NLGN4Y: variants seen among roughly 807,000 people sequenced by gnomAD.
The protein encoded by NLGN4Y is neuroligin 4 Y-linked.
A neutral mutation model predicts 8.4 loss-of-function variants in NLGN4Y; 4 were observed. The observed-to-expected ratio is 0.48, with a 90% CI of 0.23 to 1.09. The LOEUF (loss-of-function observed/expected upper bound fraction) is 1.09. NLGN4Y is among the 50% of genes least tolerant of loss of function. The pLI is 0.19. For missense variants in NLGN4Y, 90 were observed against 192.3 expected (o/e 0.47, Z 3.15); for synonymous variants, 35 against 75.6 (o/e 0.46, Z 2.78).
chrY:14,609,811 T>G (rs2080459994), intron 1 of NLGN4Y, among the ~76,000 whole-genome samples: 1 of 33,506 alleles, frequency 3.0e-5, no homozygotes, highest in Non-Finnish European at 7.4e-5. Flanking sequence ...TTTGTATTGT[T>G]GGTAGAATTC....
At chrY:14,728,492 A>C (rs758951999) in intron 4 of NLGN4Y, among the ~76,000 whole-genome samples, 2 of 34,170 alleles carry the variant, frequency 5.9e-5, no homozygotes, top group South Asian at 1.3e-3. Context: ...AAATTGATGT[A>C]TATGTATATA....
chrY:14,830,542 G>A, intron 6 of NLGN4Y, 23 bp downstream of exon 6: 3 of 392,082 alleles, frequency 7.7e-6, no homozygotes, highest in Non-Finnish European at 1.1e-5. Flanking sequence ...TCATGTTGGG[G>A]TATCACTGTC....
At chrY:14,792,851 A>AGTGTGTGTGTGTGTGTGT (rs1569375425) in intron 4 of NLGN4Y, among the ~76,000 whole-genome samples, 1 of 9,098 alleles carries the variant, frequency 1.1e-4, no homozygotes, top group Non-Finnish European at 2.1e-4. Flanking sequence ...AGAGAGAGAG[A>AGTGTGTGTGTGTGTGTGT]GTGTGTGTGT....
At chrY:14,775,495 C>T in intron 4 of NLGN4Y, among the ~76,000 whole-genome samples, 1 of 32,643 alleles carries the variant, frequency 3.1e-5, no homozygotes, top group South Asian at 6.7e-4. Flanking sequence ...CACACACACA[C>T]ACACCATACA....
chrY:14,815,616 C>T (rs2043098922), intron 4 of NLGN4Y, among the ~76,000 whole-genome samples: 1 of 33,077 alleles, frequency 3.0e-5, no homozygotes, highest in South Asian at 6.8e-4. Context: ...CATAAAGAGG[C>T]TTGAAAAGTT....
chrY:14,834,314 G>A, intron 6 of NLGN4Y, among the ~76,000 whole-genome samples: 1 of 33,416 alleles, frequency 3.0e-5, no homozygotes, highest in Non-Finnish European at 7.4e-5. Flanking sequence ...TGACATCACC[G>A]GAAGAGAGGA....
chrY:14,536,697 G>C, intron 1 of NLGN4Y, among the ~76,000 whole-genome samples: 1 of 32,206 alleles, frequency 3.1e-5, no homozygotes, highest in Non-Finnish European at 7.6e-5. Context: ...AGCACTTTGA[G>C]AGCAGCCTGG....
intron 2 of NLGN4Y, among the ~76,000 whole-genome samples, chrY:14,622,903 T>C (rs2080516360): frequency 3.0e-5 from 1 of 33,369 alleles, no homozygotes; most frequent in African/African-American, 1.2e-4. Context: ...ATGTTATACC[T>C]GAATCATCTG....
intron 4 of NLGN4Y, among the ~76,000 whole-genome samples, chrY:14,819,639 A>T (rs2043115566): frequency 3.1e-5 from 1 of 32,754 alleles, no homozygotes; most frequent in African/African-American, 1.2e-4. Flanking sequence ...CTTATTACTG[A>T]TAGGAAAGGG....
intron 4 of NLGN4Y, chrY:14,748,729 G>A (rs2081030833): frequency 5.5e-6 from 1 of 181,739 alleles, no homozygotes; most frequent in Non-Finnish European, 1.1e-5. Context: ...TGAAATTAGA[G>A]GTAGAGAGAA....
chrY:14,543,097 C>T, intron 1 of NLGN4Y, among the ~76,000 whole-genome samples: 2 of 33,059 alleles, frequency 6.0e-5, no homozygotes, highest in African/African-American at 1.2e-4. Context: ...CAAACCTGCA[C>T]GTTCTGCATA....
chrY:14,778,725 A>G (rs2081136128), intron 4 of NLGN4Y, among the ~76,000 whole-genome samples: 1 of 33,878 alleles, frequency 3.0e-5, no homozygotes, highest in Non-Finnish European at 7.3e-5. Context: ...AGATGTATAT[A>G]TGTATGCAGT....
intron 4 of NLGN4Y, among the ~76,000 whole-genome samples, chrY:14,735,480 C>A (rs779646847): frequency 5.9e-5 from 2 of 33,999 alleles, no homozygotes; most frequent in Admixed American, 2.7e-4. Context: ...TGCAAGTTCC[C>A]TGAGGACTCC....
rs746916941 is a variant in NLGN4Y at position 14,751,216 on chromosome Y, G to T, written c.685+27947G>T. Among the ~76,000 whole-genome samples, 21 of 33,326 alleles carry T rather than the reference G, an allele frequency of 6.3e-4. No homozygotes were observed. The East Asian group carries it at 0.014, about 22-fold the overall frequency. The allele number at this position is 33,326 out of a possible 37,273, so 89.4% of individuals were successfully genotyped here. A position where few individuals can be genotyped will look rare whatever the true frequency, so the allele number is the denominator to read the frequency against. On this transcript the variant is annotated intron_variant, in intron 4 of 6. Coordinates refer to ENST00000684976, the MANE Select transcript of NLGN4Y (RefSeq NM_001365588.1). Reference sequence around the variant, plus strand: ...ATACAGATACTTTTTCCAGTTTGAGGTTATTATGGACTCGTGTTATGAACG... The same window carrying T: ...ATACAGATACTTTTTCCAGTTTGAGTTTATTATGGACTCGTGTTATGAACG...
intron 4 of NLGN4Y, among the ~76,000 whole-genome samples, chrY:14,757,737 T>G: frequency 3.0e-5 from 1 of 33,648 alleles, no homozygotes; most frequent in African/African-American, 1.2e-4. Context: ...CCATCATGTC[T>G]GGCTAATATT....
At chrY:14,606,176 T>C in intron 1 of NLGN4Y, among the ~76,000 whole-genome samples, 1 of 33,840 alleles carries the variant, frequency 3.0e-5, no homozygotes, top group Non-Finnish European at 7.3e-5. Context: ...CATAGAAGGA[T>C]TGTTGTTCAA....
chrY:14,837,486 C>T (rs2043201368), intron 6 of NLGN4Y, among the ~76,000 whole-genome samples: 4 of 33,635 alleles, frequency 1.2e-4, no homozygotes, highest in Admixed American at 2.7e-4. Context: ...GAGTCTTTTA[C>T]TAGAGACACC....
At chrY:14,711,014 A>G (rs2080897455) in intron 2 of NLGN4Y, among the ~76,000 whole-genome samples, 1 of 33,873 alleles carries the variant, frequency 3.0e-5, no homozygotes, top group African/African-American at 1.1e-4. Flanking sequence ...TCATTCCCTT[A>G]AAACAATAAG....
At chrY:14,669,221 T>C (rs2080702388) in intron 2 of NLGN4Y, among the ~76,000 whole-genome samples, 2 of 33,697 alleles carry the variant, frequency 5.9e-5, no homozygotes, top group African/African-American at 1.2e-4. Context: ...CAGATAACTA[T>C]AGGTAATAGT....
Sources: allele counts gnomAD v4.1 joint callset (sites outside exome capture counted in the v4.1 genomes callset), GRCh38; gene constraint gnomAD v4.1.1; transcripts MANE v1.5; gene names NCBI Gene and HGNC (gene_info 2026-07-23, HGNC 2026-07-21).